The following PER2 variants were observed in gnomAD, a reference collection of about 807,000 sequenced individuals.
PER2 encodes the protein period circadian regulator 2, also known as period circadian protein homolog 2.
In PER2, 66 loss-of-function variants were observed where a neutral mutation model predicts 121.0. The observed-to-expected ratio is 0.55, with a 90% confidence interval of 0.45 to 0.67. PER2 has a LOEUF of 0.67. Among genes scored for constraint, PER2 ranks in the 30% least tolerant of loss-of-function variants. The pLI, the probability that PER2 is intolerant of heterozygous loss-of-function variation, is 0.00. For synonymous variants in PER2, 684 were observed against 659.9 expected (o/e 1.04, Z -0.56); for missense variants, 1,521 against 1,635.0 (o/e 0.93, Z 1.20).
At chr2:238,281,388 A>G (rs1160949779) in intron 1 of PER2, among the ~76,000 whole-genome samples, 1 of 152,252 alleles carries the variant, frequency 6.6e-6, no homozygotes, top group Admixed American at 6.5e-5. Context: ...TGTGGGTTAC[A>G]TAGCTGGTTT....
At chr2:238,295,547 C>T in the PER2 span, 2 of 152,276 alleles carry the variant, frequency 1.3e-5, no homozygotes, top group Non-Finnish European at 1.5e-5. Flanking sequence ...TGGGTTACCT[C>T]AGGGTGGAGG....
chr2:238,298,088 G>A, the PER2 span, among the ~76,000 whole-genome samples: 5 of 146,682 alleles, frequency 3.4e-5, no homozygotes, highest in South Asian at 2.1e-4. Context: ...GCTCTAGAGT[G>A]CAGTGGCATG....
At chr2:238,277,579 A>G in intron 2 of PER2, 128 bp downstream of exon 2, 1 of 1,143,452 alleles carries the variant, frequency 8.7e-7, no homozygotes, top group South Asian at 1.4e-5. Context: ...CATTTTAGGT[A>G]TTTTCAAAAA....
At chr2:238,257,164 GC>G in intron 16 of PER2, 78 bp from the exon 17 acceptor site, 1 of 1,351,546 alleles carries the variant, frequency 7.4e-7, no homozygotes. Context: ...ACACCCAAGT[GC>G]CCATACAGCT....
At position 238,253,035 on chromosome 2, in the gene PER2, C is replaced by T. The variant is rs1695651512; in HGVS notation, c.2988G>A (p.Leu996=). 2 of 1,613,912 alleles carry T rather than the reference C, an allele frequency of 1.2e-6. No homozygotes were observed. Among genetic ancestry groups the T allele is most frequent in the Non-Finnish European group, 8.5e-7 (1 of 1,180,022 alleles). Residue 996 remains leucine (L), a synonymous_variant, in exon 19 of 23, where the codon CTG becomes CTA. Transcript: ENST00000254657. This position sits in a 1 kb window ranked among gnomAD's most constrained non-coding sequence, Gnocchi z 5.6. ...CAGTGCCACCCTCAGGGGCTTCCTCCAGCTGCAGCAGGTTGAGCTGCAGGG... is the reference window on the plus strand; with the variant it reads ...CAGTGCCACCCTCAGGGGCTTCCTCTAGCTGCAGCAGGTTGAGCTGCAGGG... ...SSPLQLNLLQ[L]EEAPEGGTGA...
upstream of PER2, among the ~76,000 whole-genome samples, chr2:238,293,342 T>A (rs1371252461): frequency 1.3e-5 from 2 of 152,212 alleles, no homozygotes; most frequent in Non-Finnish European, 2.9e-5. Flanking sequence ...ATTAAATGTG[T>A]ACCCAACTGA....
rs74001630 is a variant in PER2 at position 238,252,428 on chromosome 2, G to A, written c.3111+484C>T. On this transcript the variant is annotated intron_variant, in intron 19 of 22. Transcript: ENST00000254657. This position sits in a 1 kb window ranked among gnomAD's most constrained non-coding sequence, Gnocchi z 4.2. ...AAATACAACTACCGTTTCATTAACTGGTTAAGAATCTCACACAGTGTCCCT... is the reference window on the plus strand; with the variant it reads ...AAATACAACTACCGTTTCATTAACTAGTTAAGAATCTCACACAGTGTCCCT... 6.6e-6 allele frequency among the ~76,000 whole-genome samples: 1 copy of A among 152,184 alleles called. No homozygotes were observed. Among genetic ancestry groups the A allele is most frequent in the Admixed American group, 6.5e-5 (1 of 15,280 alleles).
chr2:238,299,114 C>G, the PER2 span: 1 of 151,522 alleles, frequency 6.6e-6, no homozygotes, highest in African/African-American at 2.4e-5. Flanking sequence ...TTAGCCATCT[C>G]TACTAAAAAT....
the PER2 span, among the ~76,000 whole-genome samples, chr2:238,297,110 A>T: frequency 6.6e-6 from 1 of 152,194 alleles, no homozygotes; most frequent in African/African-American, 2.4e-5. Context: ...AGCAAAGAAC[A>T]GGGAGGACCT....
intron 22 of PER2, among the ~76,000 whole-genome samples, chr2:238,247,795 T>C (rs150949395): frequency 1.3e-5 from 2 of 152,074 alleles, no homozygotes; most frequent in East Asian, 1.9e-4. Flanking sequence ...AAGATGTGGA[T>C]AGGTGGTCAG....
At chr2:238,260,140 A>G in intron 13 of PER2, 87 bp from the exon 14 acceptor site, 1 of 687,090 alleles carries the variant, frequency 1.5e-6, no homozygotes, top group South Asian at 1.6e-5. Context: ...GGATGGCTGA[A>G]ATAATTTCAG....
upstream of PER2, chr2:238,289,288 T>A (rs1001815444): frequency 6.6e-6 from 1 of 152,176 alleles, no homozygotes; most frequent in Non-Finnish European, 1.5e-5. Flanking sequence ...TTCACATTCA[T>A]TCATTTACTC....
At chr2:238,259,278 G>A (rs1271470535) in intron 14 of PER2, among the ~76,000 whole-genome samples, 1 of 152,272 alleles carries the variant, frequency 6.6e-6, no homozygotes, top group Non-Finnish European at 1.5e-5. Flanking sequence ...CCTGAGCACA[G>A]AGAATGAGCA....
chr2:238,248,657 T>A (rs756423401), intron 22 of PER2, among the ~76,000 whole-genome samples: 464 of 41,848 alleles, frequency 0.011, 1 homozygote, highest in Non-Finnish European at 0.022. Flanking sequence ...ATTTTAGAAA[T>A]TTTTTTTTTT....
chr2:238,260,260 T>C (rs75345623), intron 13 of PER2, among the ~76,000 whole-genome samples: 1 of 135,584 alleles, frequency 7.4e-6, no homozygotes, highest in Non-Finnish European at 1.6e-5. Flanking sequence ...GCACATTACA[T>C]TTTTTTTTTT....
upstream of PER2, among the ~76,000 whole-genome samples, chr2:238,292,057 CTGAGGCAGGAGGATCCCT>C (rs1467334070): frequency 6.6e-6 from 1 of 152,160 alleles, no homozygotes; most frequent in Non-Finnish European, 1.5e-5. Flanking sequence ...ACTTGGGAGG[CTGAGGCAGGAGGATCCCT>C]TGAGGCCAGG....
At chr2:238,263,443 C>G (rs1307353581) in intron 9 of PER2, among the ~76,000 whole-genome samples, 1 of 152,034 alleles carries the variant, frequency 6.6e-6, no homozygotes, top group Non-Finnish European at 1.5e-5. Flanking sequence ...GCCTGGGCCT[C>G]GGAAAACCCT....
chr2:238,298,155 C>T, the PER2 span, among the ~76,000 whole-genome samples: 1 of 152,046 alleles, frequency 6.6e-6, no homozygotes, highest in African/African-American at 2.4e-5. Flanking sequence ...CTGCCTCAGC[C>T]TCCAGAGTAG....
At chr2:238,277,356 T>C (rs1289804941) in intron 2 of PER2, among the ~76,000 whole-genome samples, 163 bp from the exon 3 acceptor site, 2 of 152,090 alleles carry the variant, frequency 1.3e-5, no homozygotes, top group Non-Finnish European at 2.9e-5. Flanking sequence ...CCTTCAGACA[T>C]CAGAAAAACT....
Sources: allele counts gnomAD v4.1 joint callset (sites outside exome capture counted in the v4.1 genomes callset), GRCh38; gene constraint gnomAD v4.1.1; non-coding constraint Gnocchi (gnomAD v3.1); transcripts MANE v1.5; gene names NCBI Gene and HGNC (gene_info 2026-07-23, HGNC 2026-07-21).